Variants in RBFOX1 observed in about 807,000 individuals in gnomAD.
RBFOX1 encodes the protein RNA binding protein fox-1 homolog 1.
RBFOX1 carries 8 observed loss-of-function variants against 57.7 expected under a neutral mutation model. The ratio of observed to expected loss-of-function variants is 0.14; its 90% CI spans 0.08 to 0.25. RBFOX1 has a LOEUF of 0.25. RBFOX1 is among the 10% of genes least tolerant of loss of function. RBFOX1 has a pLI of 1.00. For missense variants in RBFOX1, 611 were observed against 548.5 expected, an observed-to-expected ratio of 1.11 and a Z score of -1.14; for synonymous variants, 326 against 222.4, an observed-to-expected ratio of 1.47 and a Z score of -4.15.
At chr16:7,397,016 A>C (rs538962159) in intron 4 of RBFOX1, among the ~76,000 whole-genome samples, 2 of 152,232 alleles carry the variant, frequency 1.3e-5, no homozygotes, top group Non-Finnish European at 2.9e-5. Context: ...CACATAGCCT[A>C]CACATTCATG....
chr16:5,305,680 C>G (rs1391370035), intron 1 of RBFOX1, among the ~76,000 whole-genome samples: 3 of 152,020 alleles, frequency 2.0e-5, no homozygotes, highest in African/African-American at 7.3e-5. Flanking sequence ...CATGCAGAAG[C>G]AAGGTGGCAC....
At chr16:6,713,051 G>C (rs1488678793) in intron 3 of RBFOX1, among the ~76,000 whole-genome samples, 1 of 151,764 alleles carries the variant, frequency 6.6e-6, no homozygotes, top group Admixed American at 6.6e-5. Context: ...TGATTGTGAG[G>C]CCTCCCCAGC....
At chr16:6,717,639 C>T (rs544604415) in intron 3 of RBFOX1, among the ~76,000 whole-genome samples, 16 of 150,948 alleles carry the variant, frequency 1.1e-4, no homozygotes, top group Admixed American at 4.0e-4. Context: ...CATCCTGGAT[C>T]GACTCTCTGT....
intron 2 of RBFOX1, among the ~76,000 whole-genome samples, chr16:6,421,497 G>C (rs764346338): frequency 1.5e-4 from 23 of 152,176 alleles, no homozygotes; most frequent in Admixed American, 6.5e-5. Context: ...TTAGAAGGAA[G>C]GAAATGTACT....
At chr16:6,554,577 CA>C in intron 2 of RBFOX1, among the ~76,000 whole-genome samples, 1 of 152,168 alleles carries the variant, frequency 6.6e-6, no homozygotes. Context: ...AACAAGAAAA[CA>C]AAAAGGTTTC....
intron 4 of RBFOX1, among the ~76,000 whole-genome samples, chr16:7,260,820 G>T (rs988389741): frequency 1.3e-5 from 2 of 152,178 alleles, no homozygotes; most frequent in Non-Finnish European, 2.9e-5. Flanking sequence ...ATGGAAAATT[G>T]CTTTTCTATG....
At chr16:5,767,775 G>A (rs2053838868) in intron 3 of RBFOX1, among the ~76,000 whole-genome samples, 1 of 152,212 alleles carries the variant, frequency 6.6e-6, no homozygotes, top group South Asian at 2.1e-4. Context: ...AGTTGCCTTT[G>A]CTGGGCCTAA....
At chr16:6,319,011 C>T (rs903896385) in intron 2 of RBFOX1, among the ~76,000 whole-genome samples, 2 of 151,878 alleles carry the variant, frequency 1.3e-5, no homozygotes, top group African/African-American at 2.4e-5. Flanking sequence ...TCTGGGACGT[C>T]GCCTGGTTAT....
intron 3 of RBFOX1, among the ~76,000 whole-genome samples, chr16:6,841,717 C>G (rs146687661): frequency 4.6e-4 from 70 of 152,232 alleles, no homozygotes; most frequent in African/African-American, 1.5e-3. Context: ...CACATGAACC[C>G]TCTAAGAAGT....
chr16:7,034,594 G>T (rs1173017628), intron 3 of RBFOX1, among the ~76,000 whole-genome samples: 2 of 151,992 alleles, frequency 1.3e-5, no homozygotes, highest in African/African-American at 4.8e-5. Context: ...AATATCCAGA[G>T]AAGATCCCTG....
At chr16:6,948,626 C>G (rs773035153) in intron 3 of RBFOX1, among the ~76,000 whole-genome samples, 1 of 152,008 alleles carries the variant, frequency 6.6e-6, no homozygotes, top group African/African-American at 2.4e-5. Context: ...AAATGATCTG[C>G]TCGCCTTGGC....
At chr16:6,073,895 A>G (rs539836362) in intron 1 of RBFOX1, among the ~76,000 whole-genome samples, 3 of 152,112 alleles carry the variant, frequency 2.0e-5, no homozygotes, top group East Asian at 1.9e-4. Flanking sequence ...GTGTTACACT[A>G]TGGGTACTGG....
At chr16:5,699,765 G>T (rs941522577) in intron 3 of RBFOX1, among the ~76,000 whole-genome samples, 1 of 152,164 alleles carries the variant, frequency 6.6e-6, no homozygotes, top group Non-Finnish European at 1.5e-5. Flanking sequence ...CAATGCCAAG[G>T]TTGAGAAATC....
At chr16:7,264,580 A>G (rs779258741) in intron 4 of RBFOX1, among the ~76,000 whole-genome samples, 17 of 152,358 alleles carry the variant, frequency 1.1e-4, no homozygotes, top group Non-Finnish European at 1.8e-4. Flanking sequence ...CCACAGATAG[A>G]TAACATGCAA....
Position 6,855,776 on chromosome 16 carries a change from C to T in RBFOX1, c.-15-196281C>T, listed in dbSNP as rs374069495. 4.0e-5 allele frequency among the ~76,000 whole-genome samples: 6 copies of T among 150,202 alleles called. 1 individual carries two copies. Among genetic ancestry groups the T allele is most frequent in the Admixed American group, 3.9e-4 (6 of 15,190 alleles). ...AGCCCTTGGAAGTTTTATCCTCTACCTTTAGAGGATTTGAGTGATAAATTT... is the reference window on the plus strand; with the variant it reads ...AGCCCTTGGAAGTTTTATCCTCTACTTTTAGAGGATTTGAGTGATAAATTT... On this transcript the variant is annotated intron_variant, in intron 3 of 15. Coordinates refer to ENST00000550418, the MANE Select transcript of RBFOX1 (RefSeq NM_018723.4).
chr16:6,534,373 G>T (rs994178880), intron 2 of RBFOX1, among the ~76,000 whole-genome samples: 1 of 152,070 alleles, frequency 6.6e-6, no homozygotes, highest in Admixed American at 6.5e-5. Flanking sequence ...TGACGAACAG[G>T]AGAAATTGGC....
intron 3 of RBFOX1, among the ~76,000 whole-genome samples, chr16:5,844,353 G>C (rs887423652): frequency 5.3e-5 from 8 of 152,144 alleles, no homozygotes; most frequent in African/African-American, 1.9e-4. Flanking sequence ...TATATATGCT[G>C]TTCTAAAAAG....
chr16:7,341,776 C>CTTCCTTCCT (rs1568306565), intron 4 of RBFOX1, among the ~76,000 whole-genome samples: 7 of 95,200 alleles, frequency 7.4e-5, no homozygotes, highest in African/African-American at 2.4e-4. Context: ...CCCTCCCTCC[C>CTTCCTTCCT]TCCTTCCTTC....
At chr16:6,913,425 A>T (rs1218447202) in intron 3 of RBFOX1, among the ~76,000 whole-genome samples, 2 of 152,096 alleles carry the variant, frequency 1.3e-5, no homozygotes, top group African/African-American at 4.8e-5. Context: ...GTTTGAGAAC[A>T]TCTTTCCTCT....
Sources: gnomAD v4.1 joint callset for allele counts (sites outside exome capture counted in the v4.1 genomes callset) on GRCh38, gnomAD v4.1.1 for gene constraint, MANE v1.5 for transcripts, NCBI Gene and HGNC (gene_info 2026-07-23, HGNC 2026-07-21) for gene names.